The following SLC6A3 variants were observed in gnomAD, a reference collection of about 807,000 sequenced individuals.
SLC6A3 encodes the protein solute carrier family 6 member 3.
In SLC6A3, 19 loss-of-function variants were observed where a neutral mutation model predicts 70.4. The ratio of observed to expected loss-of-function variants is 0.27; its 90% CI spans 0.19 to 0.40. The LOEUF is 0.40. Among genes scored for constraint, SLC6A3 ranks in the 10% least tolerant of loss-of-function variants. SLC6A3 has a pLI of 1.00. For missense variants in SLC6A3, 613 were observed against 838.5 expected (o/e 0.73, Z 3.32); for synonymous variants, 368 against 356.6 (o/e 1.03, Z -0.36).
At position 1,406,471 on chromosome 5, in the gene SLC6A3, G is replaced by A. The variant is rs1379953517; in HGVS notation, c.1499-183C>T. Among the ~76,000 whole-genome samples, 1 of 152,140 alleles carries A rather than the reference G, an allele frequency of 6.6e-6. No homozygotes were observed. The highest frequency in any genetic ancestry group is 1.5e-5 in the Non-Finnish European group (1 of 68,024). On this transcript the variant is annotated intron_variant, in intron 11 of 14. Coordinates refer to ENST00000270349, the MANE Select transcript of SLC6A3 (RefSeq NM_001044.5). This position sits in a 1 kb window ranked among gnomAD's most constrained non-coding sequence, Gnocchi z 8.8. ...AGCCCACTGGGTGCCTCGCTGACGG[G>A]TGGGAGCCCACGTGCCTGCTCCACC... is the stretch of plus-strand genomic sequence containing the variant.
chr5:1,414,503 A>C (rs1579709588), intron 8 of SLC6A3, among the ~76,000 whole-genome samples, 188 bp downstream of exon 8: 1 of 131,360 alleles, frequency 7.6e-6, no homozygotes, highest in African/African-American at 2.7e-5. Flanking sequence ...AGGGCGGGGA[A>C]GGCGCTGGGT....
At chr5:1,427,329 T>TG (rs1295711986) in intron 4 of SLC6A3, among the ~76,000 whole-genome samples, 1 of 152,242 alleles carries the variant, frequency 6.6e-6, no homozygotes, top group East Asian at 1.9e-4. Context: ...TCATGTCACT[T>TG]GAAGGTCAGT....
intron 8 of SLC6A3, 24 bp downstream of exon 8, chr5:1,414,667 C>T: frequency 6.2e-7 from 1 of 1,611,382 alleles, no homozygotes; most frequent in Non-Finnish European, 8.5e-7. Flanking sequence ...CGGAGCAGGC[C>T]CAGGTGCAGC....
chr5:1,433,686 C>T (rs386538), intron 3 of SLC6A3, among the ~76,000 whole-genome samples: 1 of 152,082 alleles, frequency 6.6e-6, no homozygotes, highest in African/African-American at 2.4e-5. Context: ...CAACCATCCA[C>T]AGCCATCTAC....
Position 1,406,379 on chromosome 5 carries a change from G to GC in SLC6A3, c.1499-92dup. 8.9e-7 allele frequency: 1 copy of GC among 1,125,690 alleles called. No homozygotes were observed. The highest frequency in any genetic ancestry group is 1.4e-6 in the Non-Finnish European group (1 of 737,880). 69.7% of individuals were successfully genotyped at this position (1,125,690 alleles called of 1,614,324 possible). ...TGGGGGTCCTCGCTGACTCCCAAGG[G>GC]CCCCACCTACCGGCCCCAGGCTTCG... On this transcript the variant is annotated intron_variant, in intron 11 of 14. Coordinates refer to ENST00000270349, the MANE Select transcript of SLC6A3 (RefSeq NM_001044.5). This position sits in a 1 kb window ranked among gnomAD's most constrained non-coding sequence, Gnocchi z 8.8.
In SLC6A3 at chr5:1,396,963, C is replaced by A. The variant is rs1295905973; in HGVS notation, c.1840-2205G>T. On this transcript the variant is annotated intron_variant, in intron 14 of 14. Coordinates refer to ENST00000270349, the MANE Select transcript of SLC6A3 (RefSeq NM_001044.5). The surrounding 1 kb of genome is among the most constrained non-coding windows in gnomAD (Gnocchi z 7.0). ...TGAGGGGCAGGCAGTTTCCACAGTG[C>A]CTAGTTTTCCTGCTGTGGGCTCACA... Among the ~76,000 whole-genome samples, 4 of 152,182 alleles carry A rather than the reference C, an allele frequency of 2.6e-5. No individual in the cohort carries two copies. Among genetic ancestry groups the A allele is most frequent in the Non-Finnish European group, 5.9e-5 (4 of 68,030 alleles).
Position 1,404,232 on chromosome 5 carries a change from G to A in SLC6A3, c.1600-1143C>T, listed in dbSNP as rs755732142. Among the ~76,000 whole-genome samples, 8 of 152,246 alleles carry A rather than the reference G, an allele frequency of 5.3e-5. No homozygotes were observed. Among genetic ancestry groups the A allele is most frequent in the Admixed American group, 1.3e-4 (2 of 15,290 alleles). On this transcript the variant is annotated intron_variant, in intron 12 of 14. Transcript: ENST00000270349. The surrounding 1 kb of genome is among the most constrained non-coding windows in gnomAD (Gnocchi z 5.2). Reference sequence around the variant, plus strand: ...CGGCTAGCGGAGGACTGGGATGGGGGCTGGGGTTGTGTCTGTCACGTGACC... The same window carrying A: ...CGGCTAGCGGAGGACTGGGATGGGGACTGGGGTTGTGTCTGTCACGTGACC...
intron 3 of SLC6A3, among the ~76,000 whole-genome samples, chr5:1,433,553 A>T (rs1560923962): frequency 6.6e-6 from 1 of 152,096 alleles, no homozygotes; most frequent in Non-Finnish European, 1.5e-5. Flanking sequence ...ATTCATGGCC[A>T]TCCACGGCCA....
chr5:1,430,867 A>G (rs1179209632), intron 4 of SLC6A3, among the ~76,000 whole-genome samples: 4 of 151,262 alleles, frequency 2.6e-5, no homozygotes, highest in Admixed American at 2.0e-4. Flanking sequence ...TTCTGACTCA[A>G]AACAAATTTT....
At position 1,436,465 on chromosome 5, in the gene SLC6A3, T is replaced by G. The variant is rs1256616776; in HGVS notation, c.419-3767A>C. Among the ~76,000 whole-genome samples the G allele has an allele frequency of 1.3e-5, 2 of 152,172 alleles. No individual in the cohort carries two copies. The highest frequency in any genetic ancestry group is 4.8e-5 in the African/African-American group (2 of 41,432). On this transcript the variant is annotated intron_variant, in intron 3 of 14. Coordinates refer to ENST00000270349, the MANE Select transcript of SLC6A3 (RefSeq NM_001044.5). This position sits in a 1 kb window ranked among gnomAD's most constrained non-coding sequence, Gnocchi z 5.2. ...TCCAGGGAAAACATTCATGAGAACA[T>G]GGCGCTTCCCTTCCCTCCTGTCTGA... is the stretch of plus-strand genomic sequence containing the variant.
chr5:1,401,103 C>T lies in SLC6A3; in HGVS notation c.1768-117G>A, dbSNP rs1755840228. On this transcript the variant is annotated intron_variant, in intron 13 of 14. Coordinates refer to ENST00000270349, the MANE Select transcript of SLC6A3 (RefSeq NM_001044.5). This position sits in a 1 kb window ranked among gnomAD's most constrained non-coding sequence, Gnocchi z 6.1. ...CAGCACCCTCACCACCAGCCCTCCT[C>T]ACCTGCCAATGCCCACCCGCTGGCA... The T allele has an allele frequency of 2.5e-6, 2 of 790,034 alleles. No homozygotes were observed. The highest frequency in any genetic ancestry group is 2.0e-5 in the Admixed American group (1 of 50,122). The allele number at this position is 790,034 out of a possible 1,614,324, so 48.9% of individuals were successfully genotyped here.
rs1809939 is a variant in SLC6A3 at position 1,392,948 on chromosome 5, A to G, written c.*1787T>C. On this transcript the variant is annotated 3_prime_UTR_variant, in exon 15 of 15. Coordinates refer to ENST00000270349, the MANE Select transcript of SLC6A3 (RefSeq NM_001044.5). ...GCTCTCTGTGCTGACTGCAGCAGCC[A>G]GAAGGCGATGGGGAAGCTGTCCTCT... 0.21 allele frequency: 31,808 copies of G among 151,396 alleles called. 3,639 individuals carry two copies. The highest frequency in any genetic ancestry group is 0.4 in the Middle Eastern group (115 of 290). The allele number at this position is 151,396 out of a possible 1,614,324, so 9.4% of individuals were successfully genotyped here. A position where few individuals can be genotyped will look rare whatever the true frequency, so the allele number is the denominator to read the frequency against.
intron 8 of SLC6A3, among the ~76,000 whole-genome samples, chr5:1,412,343 CA>C (rs1055322216): frequency 1.3e-5 from 2 of 152,244 alleles, no homozygotes; most frequent in African/African-American, 4.8e-5. Context: ...CTCAGAGGAG[CA>C]GCACATCCTG....
intron 4 of SLC6A3, among the ~76,000 whole-genome samples, chr5:1,423,905 G>A (rs1284575346): frequency 1.3e-5 from 2 of 152,218 alleles, no homozygotes; most frequent in African/African-American, 2.4e-5. Flanking sequence ...GGTCCACTGA[G>A]GTCCCCAGGA....
chr5:1,438,154 C>A lies in SLC6A3; in HGVS notation c.418+3205G>T, dbSNP rs551409914. Among the ~76,000 whole-genome samples the A allele has an allele frequency of 1.3e-5, 2 of 152,240 alleles. No individual in the cohort carries two copies. The highest frequency in any genetic ancestry group is 4.8e-5 in the African/African-American group (2 of 41,462). ...AGCTTTCTTGCACTGATTCATCTAT[C>A]CCTTCGTGGGTCGAACAGTTCACTT... is the stretch of plus-strand genomic sequence containing the variant. On this transcript the variant is annotated intron_variant, in intron 3 of 14. Transcript: ENST00000270349. This position sits in a 1 kb window ranked among gnomAD's most constrained non-coding sequence, Gnocchi z 6.5.
At chr5:1,443,301 C>T (rs968277044) in intron 1 of SLC6A3, 59 bp from the exon 2 acceptor site, 19 of 1,327,672 alleles carry the variant, frequency 1.4e-5, no homozygotes, top group Non-Finnish European at 1.9e-5. Flanking sequence ...GCAGCCAGGG[C>T]TAGGGACATA....
At position 1,406,112 on chromosome 5, in the gene SLC6A3, G is replaced by A. The variant is rs1002967828; in HGVS notation, c.1599+76C>T. 17 of 1,048,932 alleles carry A rather than the reference G, an allele frequency of 1.6e-5. No individual in the cohort carries two copies. The highest frequency in any genetic ancestry group is 5.0e-5 in the South Asian group (4 of 79,872). 65.0% of individuals were successfully genotyped at this position (1,048,932 alleles called of 1,614,324 possible). The stretch of plus-strand genomic sequence containing the variant: ...CCACAGTGACAACCCACATGCGGGC[G>A]CTGGACCTCGGGGCAGGTGCCAGAG... On this transcript the variant is annotated intron_variant, in intron 12 of 14. Transcript: ENST00000270349. This position sits in a 1 kb window ranked among gnomAD's most constrained non-coding sequence, Gnocchi z 8.8.
chr5:1,398,360 C>CAAAAAAA (rs57135183), intron 14 of SLC6A3, among the ~76,000 whole-genome samples: 3 of 69,060 alleles, frequency 4.3e-5, no homozygotes, highest in East Asian at 5.3e-4. Flanking sequence ...GACTCCACCT[C>CAAAAAAA]AAAAAAAAAA....
chr5:1,415,537 C>T (rs1165451999), intron 7 of SLC6A3, among the ~76,000 whole-genome samples: 4 of 152,190 alleles, frequency 2.6e-5, no homozygotes, highest in East Asian at 1.9e-4. Context: ...GTATTTTTAC[C>T]GTGTTTCTAG....
Sources: allele counts gnomAD v4.1 joint callset (sites outside exome capture counted in the v4.1 genomes callset), GRCh38; gene constraint gnomAD v4.1.1; non-coding constraint Gnocchi (gnomAD v3.1); transcripts MANE v1.5; gene names NCBI Gene and HGNC (gene_info 2026-07-23, HGNC 2026-07-21).